Variants in AKAP19 observed in about 807,000 individuals in gnomAD.
The protein encoded by AKAP19 is small A-kinase anchoring protein.
At chr2:190,055,656 G>A in the AKAP19 span, 1 of 152,062 alleles carries the variant, frequency 6.6e-6, no homozygotes, top group South Asian at 2.1e-4. Flanking sequence ...ATAATAAAGT[G>A]AAAATCAGAA....
the AKAP19 span, among the ~76,000 whole-genome samples, chr2:190,081,870 CCACA>C: frequency 6.6e-6 from 1 of 152,170 alleles, no homozygotes; most frequent in Admixed American, 6.5e-5. Flanking sequence ...CTTAACAGAA[CCACA>C]TCTTTCGGCC....
the AKAP19 span, among the ~76,000 whole-genome samples, chr2:190,192,452 C>CTGTG: frequency 0.18 from 25,961 of 145,150 alleles, 2,377 homozygotes; most frequent in Non-Finnish European, 0.23. Flanking sequence ...AATTCAGAAT[C>CTGTG]TGTGTGTGTG....
the AKAP19 span, among the ~76,000 whole-genome samples, chr2:189,893,654 G>T: frequency 6.6e-6 from 1 of 150,456 alleles, no homozygotes; most frequent in Non-Finnish European, 1.5e-5. Context: ...GACCAGAGCT[G>T]TTCCTGTTCG....
the AKAP19 span, among the ~76,000 whole-genome samples, chr2:190,132,953 C>T: frequency 0.012 from 1,783 of 151,996 alleles, 21 homozygotes; most frequent in Non-Finnish European, 0.021. Flanking sequence ...AGCAAATAAG[C>T]CAATTTAAAA....
chr2:190,147,047 T>C, the AKAP19 span, among the ~76,000 whole-genome samples: 1 of 152,228 alleles, frequency 6.6e-6, no homozygotes, highest in Non-Finnish European at 1.5e-5. Context: ...GCATTTGCTT[T>C]TGGGTTCTTG....
the AKAP19 span, among the ~76,000 whole-genome samples, chr2:190,123,648 C>T: frequency 1.8e-4 from 27 of 152,208 alleles, no homozygotes; most frequent in Non-Finnish European, 3.8e-4. Flanking sequence ...TTGCAAGACT[C>T]ACCACAGTAA....
At chr2:190,162,511 T>C in the AKAP19 span, among the ~76,000 whole-genome samples, 1 of 152,152 alleles carries the variant, frequency 6.6e-6, no homozygotes, top group African/African-American at 2.4e-5. Flanking sequence ...ATACCATGCT[T>C]CTCACAAAAG....
At chr2:189,935,081 G>T in the AKAP19 span, among the ~76,000 whole-genome samples, 2 of 151,968 alleles carry the variant, frequency 1.3e-5, no homozygotes, top group African/African-American at 2.4e-5. Context: ...GCCAAATTTT[G>T]TCAAATGAAT....
the AKAP19 span, among the ~76,000 whole-genome samples, chr2:189,906,838 A>G: frequency 2.0e-5 from 3 of 152,208 alleles, no homozygotes; most frequent in Non-Finnish European, 4.4e-5. Flanking sequence ...TGCCTGATAC[A>G]TAATTGCTAC....
At chr2:189,970,158 A>C in the AKAP19 span, among the ~76,000 whole-genome samples, 1 of 151,968 alleles carries the variant, frequency 6.6e-6, no homozygotes, top group African/African-American at 2.4e-5. Flanking sequence ...TGAGCCACTG[A>C]GCCCAGCCAT....
chr2:190,166,658 A>G, the AKAP19 span, among the ~76,000 whole-genome samples: 8 of 152,192 alleles, frequency 5.3e-5, no homozygotes, highest in Non-Finnish European at 1.0e-4. Context: ...AGATCAAAGT[A>G]GAGAAACCAT....
At chr2:190,133,120 G>C in the AKAP19 span, among the ~76,000 whole-genome samples, 5 of 150,834 alleles carry the variant, frequency 3.3e-5, no homozygotes, top group Admixed American at 6.6e-5. Flanking sequence ...CGCCTGTAGT[G>C]CCAGCTACTC....
chr2:190,156,607 G>A, the AKAP19 span, among the ~76,000 whole-genome samples: 2 of 152,008 alleles, frequency 1.3e-5, no homozygotes, highest in Admixed American at 1.3e-4. Flanking sequence ...AAGAAACAAC[G>A]GGCAAATTAG....
chr2:190,078,541 A>T, the AKAP19 span, among the ~76,000 whole-genome samples: 1 of 152,226 alleles, frequency 6.6e-6, no homozygotes, highest in East Asian at 1.9e-4. Context: ...TGGCAAAAAG[A>T]AATATATATT....
At chr2:190,025,203 C>T in the AKAP19 span, among the ~76,000 whole-genome samples, 1 of 152,128 alleles carries the variant, frequency 6.6e-6, no homozygotes, top group Non-Finnish European at 1.5e-5. Flanking sequence ...GGTGTTCTTT[C>T]TAAAAGTAGT....
the AKAP19 span, among the ~76,000 whole-genome samples, chr2:190,197,852 C>G: frequency 6.6e-6 from 1 of 150,834 alleles, no homozygotes; most frequent in Admixed American, 6.6e-5. The surrounding 1 kb of genome is among the most constrained non-coding windows in gnomAD (Gnocchi z 4.0). Flanking sequence ...ACAGAATATT[C>G]TGATGGTTCC....
At chr2:190,172,608 G>C in the AKAP19 span, among the ~76,000 whole-genome samples, 1 of 152,102 alleles carries the variant, frequency 6.6e-6, no homozygotes, top group African/African-American at 2.4e-5. Context: ...GAGGTTTGCT[G>C]CCCAGAACTA....
chr2:190,065,955 T>C, the AKAP19 span, among the ~76,000 whole-genome samples: 1 of 152,158 alleles, frequency 6.6e-6, no homozygotes, highest in East Asian at 1.9e-4. Flanking sequence ...GTCTGACTGC[T>C]GGAGACCCAG....
chr2:190,068,395 T>C, the AKAP19 span, among the ~76,000 whole-genome samples: 2 of 152,178 alleles, frequency 1.3e-5, no homozygotes, highest in Non-Finnish European at 2.9e-5. Flanking sequence ...AGTAGCAGGA[T>C]CTCGGCTCAC....
Sources: gnomAD v4.1 joint callset for allele counts (sites outside exome capture counted in the v4.1 genomes callset) on GRCh38, gnomAD v4.1.1 for gene constraint, Gnocchi (gnomAD v3.1) non-coding constraint, MANE v1.5 for transcripts, NCBI Gene and HGNC (gene_info 2026-07-23, HGNC 2026-07-21) for gene names.